ABCA9: variants seen among roughly 807,000 people sequenced by gnomAD.
ABCA9 encodes ATP binding cassette subfamily A member 9.
ABCA9 carries 183 observed loss-of-function variants against 205.3 expected under a neutral mutation model. The observed-to-expected ratio is 0.89, with a 90% CI of 0.79 to 1.01. The LOEUF (loss-of-function observed/expected upper bound fraction) is 1.01, where lower values mean the gene tolerates loss of function less well. Among genes scored for constraint, ABCA9 ranks in the 50% least tolerant of loss-of-function variants. ABCA9 has a pLI of 0.00. For missense variants in ABCA9, 1,805 were observed against 1,912.4 expected (o/e 0.94, Z 1.05); for synonymous variants, 651 against 683.3 (o/e 0.95, Z 0.74).
intron 5 of ABCA9, 66 bp from the exon 6 acceptor site, chr17:69,043,781 T>C: frequency 7.6e-7 from 1 of 1,313,804 alleles, no homozygotes; most frequent in Non-Finnish European, 1.1e-6. Context: ...GCTTTTTCTC[T>C]AAATTATAAG....
chr17:69,076,985 A>C, the ABCA9 span, among the ~76,000 whole-genome samples: 4 of 151,354 alleles, frequency 2.6e-5, no homozygotes, highest in African/African-American at 9.7e-5. Context: ...CTTATTCTTC[A>C]TGTGGATTTT....
intron 26 of ABCA9, among the ~76,000 whole-genome samples, chr17:68,995,570 A>G (rs946763032): frequency 2.0e-5 from 3 of 152,166 alleles, no homozygotes; most frequent in Non-Finnish European, 1.5e-5. Flanking sequence ...GCTACTTGAC[A>G]TTTCTCAAAC....
rs905430957 is a variant in ABCA9, at chr17:69,037,946, G to T, written c.801-2145C>A. On this transcript the variant is annotated intron_variant, in intron 6 of 38. Transcript: ENST00000340001. ...CGGAGAATATAATAAACACCTCTAC[G>T]CAAATAAACTAGAAAATCTAGAAGA... Among the ~76,000 whole-genome samples, 4 of 152,048 alleles carry T rather than the reference G, an allele frequency of 2.6e-5. 1 individual carries two copies. Among genetic ancestry groups the T allele is most frequent in the Admixed American group, 1.3e-4 (2 of 15,248 alleles).
In ABCA9 at chr17:68,992,281, A is replaced by C; in HGVS notation, c.3625-15T>G. 6.8e-7 allele frequency: 1 copy of C among 1,473,616 alleles called. No homozygotes were observed. The highest frequency in any genetic ancestry group is 9.3e-7 in the Non-Finnish European group (1 of 1,071,306). 91.3% of individuals were successfully genotyped at this position (1,473,616 alleles called of 1,614,324 possible). On this transcript the variant is annotated splice_polypyrimidine_tract_variant and intron_variant, in intron 27 of 38. Coordinates refer to ENST00000340001, the MANE Select transcript of ABCA9 (RefSeq NM_080283.4). ...TGAAGGTAAGGCTAGGGAAAAAGAA[A>C]GACAATCACAATTAGTATCACTATA...
In ABCA9 at chr17:68,995,960, GC is replaced by G. The variant is rs1567924456; in HGVS notation, c.3489del (p.Leu1164TyrfsTer7). On this transcript the variant is annotated frameshift_variant, in exon 26 of 39. Transcript: ENST00000340001. LOFTEE classifies it high-confidence loss of function. The part of the protein sequence containing the change: ...ATDLNEYGFL[G>X]LFFGTMLIPP... ...GGTATTAACATGGTGCCAAAAAATA[GC>G]CCTAGAAATCCATATTCATTTAGAT... The G allele has an allele frequency of 1.2e-6, 2 of 1,613,626 alleles. No individual in the cohort carries two copies. The highest frequency in any genetic ancestry group is 2.2e-5 in the East Asian group (1 of 44,866).
chr17:69,032,825 A>G (rs888983051), intron 9 of ABCA9: 2 of 152,442 alleles, frequency 1.3e-5, no homozygotes, highest in Non-Finnish European at 2.9e-5. Context: ...TTTTAAAATA[A>G]TCAGCGAGTC....
chr17:68,984,322 C>A, intron 34 of ABCA9, 147 bp from the exon 35 acceptor site: 1 of 990,478 alleles, frequency 1.0e-6, no homozygotes, highest in Non-Finnish European at 1.5e-6. Context: ...ATGACAGGCA[C>A]GGAAACCAAA....
chr17:69,018,525 GT>G lies in ABCA9; in HGVS notation c.2654del (p.Tyr885SerfsTer29). On this transcript the variant is annotated frameshift_variant, in exon 20 of 39. Coordinates refer to ENST00000340001, the MANE Select transcript of ABCA9 (RefSeq NM_080283.4). LOFTEE classifies it high-confidence loss of function. ...FIPQLLEHLF[Y>X]ESYQKSYPWE... is the part of the protein sequence containing the mutation. The stretch of plus-strand genomic sequence containing the variant: ...ACGGGTAACTTTTCTGATATGACTC[GT>G]AGAATAGATGTTCCAAAAGTTGAGG... 1 of 1,607,054 alleles carries G rather than the reference GT, an allele frequency of 6.2e-7. No individual in the cohort carries two copies. The highest frequency in any genetic ancestry group is 2.2e-5 in the East Asian group (1 of 44,650).
At chr17:68,987,121 A>G (rs1342622017) in intron 31 of ABCA9, among the ~76,000 whole-genome samples, 1 of 152,168 alleles carries the variant, frequency 6.6e-6, no homozygotes, top group Non-Finnish European at 1.5e-5. Flanking sequence ...TCCTTACAGA[A>G]CCCCTGTATG....
intron 25 of ABCA9, among the ~76,000 whole-genome samples, chr17:68,996,492 C>T (rs567955404): frequency 7.2e-5 from 11 of 152,094 alleles, no homozygotes; most frequent in Non-Finnish European, 1.5e-4. Flanking sequence ...CTACATAGGT[C>T]TTTATGTATG....
At chr17:69,031,345 G>A (rs1358619995) in intron 10 of ABCA9, among the ~76,000 whole-genome samples, 2 of 152,124 alleles carry the variant, frequency 1.3e-5, no homozygotes, top group African/African-American at 2.4e-5. Flanking sequence ...ATGCTCATAA[G>A]GAATGAGCAA....
chr17:69,066,271 C>G, the ABCA9 span, among the ~76,000 whole-genome samples: 2 of 152,064 alleles, frequency 1.3e-5, no homozygotes, highest in African/African-American at 4.8e-5. Context: ...AAATCATCAC[C>G]GCTGTGTACC....
intron 3 of ABCA9, 54 bp downstream of exon 3, chr17:69,049,229 G>GA: frequency 3.5e-6 from 5 of 1,445,794 alleles, no homozygotes; most frequent in Non-Finnish European, 4.7e-6. Flanking sequence ...ATCTCAAAAT[G>GA]AATTTGTGCC....
At chr17:69,000,719 G>T (rs1297613798) in intron 25 of ABCA9, among the ~76,000 whole-genome samples, 1 of 151,416 alleles carries the variant, frequency 6.6e-6, no homozygotes, top group Non-Finnish European at 1.5e-5. Flanking sequence ...ACCTTGGGCA[G>T]TATGGCCATT....
chr17:69,009,403 CTTCCGTGGAAAGAGGCTG>C (rs112648374), intron 23 of ABCA9, among the ~76,000 whole-genome samples: 4,603 of 152,086 alleles, frequency 0.03, 127 homozygotes, highest in East Asian at 0.068. Flanking sequence ...AGAGAAGACC[CTTCCGTGGAAAGAGGCTG>C]ATGTTCTGGG....
rs201957979 is a variant in ABCA9 at position 69,024,178 on chromosome 17, T to C, written c.2281+36A>G. 579 of 1,608,062 alleles carry C rather than the reference T, an allele frequency of 3.6e-4. 3 individuals carry two copies. The highest frequency in any genetic ancestry group is 2.0e-3 in the Middle Eastern group (9 of 4,528). On this transcript the variant is annotated intron_variant, in intron 17 of 38. Coordinates refer to ENST00000340001, the MANE Select transcript of ABCA9 (RefSeq NM_080283.4). Reference sequence around the variant, plus strand: ...ACCACTGTTATTGTTAATAACACCATTCCAAAACCATTCTGTCATCTTTAC... The same window carrying C: ...ACCACTGTTATTGTTAATAACACCACTCCAAAACCATTCTGTCATCTTTAC...
intron 26 of ABCA9, 35 bp from the exon 27 acceptor site, chr17:68,993,119 CTTCT>C (rs1298900192): frequency 6.5e-7 from 1 of 1,549,246 alleles, no homozygotes. Context: ...TCAGGTGAAC[CTTCT>C]TTATTTATTC....
At chr17:69,053,358 TAAC>T (rs2071968792) in intron 1 of ABCA9, among the ~76,000 whole-genome samples, 1 of 152,164 alleles carries the variant, frequency 6.6e-6, no homozygotes, top group South Asian at 2.1e-4. Context: ...ATATTATAAC[TAAC>T]GCTATTCCCA....
Position 69,045,869 on chromosome 17 carries a change from T to G in ABCA9, c.305-533A>C, listed in dbSNP as rs976905601. Among the ~76,000 whole-genome samples, 13 of 152,244 alleles carry G rather than the reference T, an allele frequency of 8.5e-5. 1 individual carries two copies. In the South Asian group the frequency reaches 2.7e-3, roughly 32 times the overall value. ...ATCACTTTCCACTAGGTCCCTCCCTTGACTCATGGGGATTGTGGGGATTAT... is the reference window on the plus strand; with the variant it reads ...ATCACTTTCCACTAGGTCCCTCCCTGGACTCATGGGGATTGTGGGGATTAT... On this transcript the variant is annotated intron_variant, in intron 3 of 38. Coordinates refer to ENST00000340001, the MANE Select transcript of ABCA9 (RefSeq NM_080283.4).
Sources: gnomAD v4.1 joint callset for allele counts (sites outside exome capture counted in the v4.1 genomes callset) on GRCh38, gnomAD v4.1.1 for gene constraint, MANE v1.5 for transcripts, NCBI Gene and HGNC (gene_info 2026-07-23, HGNC 2026-07-21) for gene names.